Variants in NIN observed in about 807,000 individuals in gnomAD.
NIN encodes glycogen synthase kinase 3 beta-interacting protein.
A neutral mutation model predicts 257.6 loss-of-function variants in NIN; 137 were observed. The observed-to-expected ratio is 0.53, with a 90% confidence interval of 0.46 to 0.61. The LOEUF is 0.61. Ranked by LOEUF, NIN falls within the 20% of genes least tolerant of loss-of-function variation. The pLI is 0.00. For synonymous variants in NIN, 918 were observed against 919.8 expected (o/e 1.00, Z 0.04); for missense variants, 2,439 against 2,501.2 (o/e 0.98, Z 0.53).
chr14:50,721,191 A>G lies in NIN; in HGVS notation c.*2272T>C, dbSNP rs896314076. On this transcript the variant is annotated 3_prime_UTR_variant, in exon 31 of 31. Transcript: ENST00000530997. The stretch of plus-strand genomic sequence containing the variant: ...TTTTTCCCAATCTCATAAGTGGGAT[A>G]AAATGAGAAATTAAGCACCTAGATG... 16 of 202,186 alleles carry G rather than the reference A, an allele frequency of 7.9e-5. No homozygotes were observed. In the South Asian group the frequency reaches 1.5e-3, roughly 19 times the overall value. 12.5% of individuals were successfully genotyped at this position (202,186 alleles called of 1,614,324 possible).
intron 29 of NIN, among the ~76,000 whole-genome samples, chr14:50,728,848 G>T (rs1010980330): frequency 6.6e-6 from 1 of 152,138 alleles, no homozygotes; most frequent in Non-Finnish European, 1.5e-5. Context: ...ACAATGAAAA[G>T]ATTTTTATTT....
chr14:50,771,569 G>T, intron 9 of NIN, 101 bp from the exon 10 acceptor site: 1 of 1,264,556 alleles, frequency 7.9e-7, no homozygotes, highest in Non-Finnish European at 1.1e-6. Context: ...AGCTGACAAT[G>T]ATCTAGCAAT....
intron 16 of NIN, 62 bp from the exon 17 acceptor site, chr14:50,760,421 G>A (rs2042228778): frequency 1.4e-6 from 1 of 704,060 alleles, no homozygotes; most frequent in East Asian, 3.2e-5. Flanking sequence ...AAAGTGAAGT[G>A]ATGGAGCAGC....
At position 50,765,843 on chromosome 14, in the gene NIN, G is replaced by GTTTTTT. The variant is rs34321797; in HGVS notation, c.1635+458_1635+463dup. On this transcript the variant is annotated intron_variant, in intron 14 of 30. Coordinates refer to ENST00000530997, the MANE Select transcript of NIN (RefSeq NM_020921.4). ...AATAATGTTAATAGCTAACATTTAT[G>GTTTTTT]TTTTTTTTTTTTAATTTTATTATAC... is the stretch of plus-strand genomic sequence containing the variant. Among the ~76,000 whole-genome samples, 4 of 147,002 alleles carry GTTTTTT rather than the reference G, an allele frequency of 2.7e-5. No individual in the cohort carries two copies. In the East Asian group the frequency reaches 7.9e-4, roughly 29 times the overall value.
intron 16 of NIN, 75 bp from the exon 17 acceptor site, chr14:50,760,434 TTGC>T (rs2042229761): frequency 2.4e-5 from 21 of 893,086 alleles, no homozygotes; most frequent in Admixed American, 1.2e-4. Flanking sequence ...GGAGCAGCAA[TTGC>T]TTTTTTTTTT....
At chr14:50,774,553 G>C (rs577359652) in intron 7 of NIN, among the ~76,000 whole-genome samples, 3 of 152,226 alleles carry the variant, frequency 2.0e-5, no homozygotes, top group Admixed American at 6.5e-5. Context: ...AGGTTGCCAA[G>C]ATCCCTTAAC....
chr14:50,735,239 CAG>C (rs1029377437), intron 28 of NIN, among the ~76,000 whole-genome samples: 48 of 152,286 alleles, frequency 3.2e-4, no homozygotes, highest in African/African-American at 1.2e-3. Flanking sequence ...CTTGGCTAAT[CAG>C]AGAGTCCCTG....
rs763888716 is a variant in NIN, at chr14:50,758,318, A to T, written c.2712T>A (p.His904Gln). 1.2e-6 allele frequency: 2 copies of T among 1,614,140 alleles called. No individual in the cohort carries two copies. Among genetic ancestry groups the T allele is most frequent in the Non-Finnish European group, 1.7e-6 (2 of 1,180,012 alleles). ...REMLEKTYKE[H>Q]LNSMVVERQQ... ...GTCTCTCGACGACCATGCTGTTCAAATGTTCTTTGTATGTTTTCTCCAGCA... is the reference window on the plus strand; with the variant it reads ...GTCTCTCGACGACCATGCTGTTCAATTGTTCTTTGTATGTTTTCTCCAGCA... Residue 904 changes from histidine to glutamine, a missense_variant, in exon 18 of 31, where the codon CAT (histidine) becomes CAA (glutamine). Physicochemically the swap from His to Gln is conservative, Grantham distance 24. This residue lies in a region of NIN where 2,043 missense variants were observed against 2,050.2 expected (regional missense o/e 1.00). Transcript: ENST00000530997.
At chr14:50,765,844 T>G (rs1010265365) in intron 14 of NIN, among the ~76,000 whole-genome samples, 3 of 8,656 alleles carry the variant, frequency 3.5e-4, no homozygotes, top group African/African-American at 5.6e-4. Context: ...AACATTTATG[T>G]TTTTTTTTTT....
intron 2 of NIN, among the ~76,000 whole-genome samples, chr14:50,830,210 T>G (rs1168416283): frequency 6.6e-6 from 1 of 152,162 alleles, no homozygotes; most frequent in African/African-American, 2.4e-5. Context: ...AAGCCTGCTC[T>G]CGGTCAAAGC....
chr14:50,743,142 T>TA (rs997814249), intron 24 of NIN, among the ~76,000 whole-genome samples: 1 of 151,522 alleles, frequency 6.6e-6, no homozygotes, highest in African/African-American at 2.4e-5. Context: ...TTTTTTTTTT[T>TA]AATTTTTAGT....
chr14:50,748,169 G>A (rs546877153), intron 21 of NIN, 64 bp from the exon 22 acceptor site: 2 of 1,003,496 alleles, frequency 2.0e-6, no homozygotes, highest in Non-Finnish European at 3.1e-6. Flanking sequence ...AACTTACCAG[G>A]TTCATAAAAG....
intron 2 of NIN, among the ~76,000 whole-genome samples, chr14:50,830,242 G>C (rs537500623): frequency 2.0e-4 from 31 of 152,344 alleles, no homozygotes; most frequent in African/African-American, 7.2e-4. Context: ...TTTCAGCTCC[G>C]GGCAGGCGGC....
At chr14:50,826,157 C>G (rs191741363) in intron 2 of NIN, among the ~76,000 whole-genome samples, 1 of 152,328 alleles carries the variant, frequency 6.6e-6, no homozygotes, top group Non-Finnish European at 1.5e-5. Flanking sequence ...AGGCAGGAGT[C>G]TTACTCAGAG....
rs1223387564 is a variant in NIN, at chr14:50,799,249, A to C, written c.266-6368T>G. 2.0e-5 allele frequency among the ~76,000 whole-genome samples: 3 copies of C among 152,192 alleles called. No individual in the cohort carries two copies. In the East Asian group the frequency reaches 5.8e-4, roughly 29 times the overall value. On this transcript the variant is annotated intron_variant, in intron 4 of 30. Coordinates refer to ENST00000530997, the MANE Select transcript of NIN (RefSeq NM_020921.4). ...ATGAAGACTTAGTTTCCTCATCTGGAAGGAGGGAAAACAATAGGCGCTTCA... is the reference window on the plus strand; with the variant it reads ...ATGAAGACTTAGTTTCCTCATCTGGCAGGAGGGAAAACAATAGGCGCTTCA...
chr14:50,782,520 T>C (rs34148215), intron 5 of NIN, among the ~76,000 whole-genome samples: 74,279 of 152,108 alleles, frequency 0.49, 20,787 homozygotes, highest in East Asian at 0.84. Flanking sequence ...CTATCTATCC[T>C]ATGATTACCA....
At chr14:50,732,617 C>T (rs1051445585) in intron 28 of NIN, among the ~76,000 whole-genome samples, 1 of 152,136 alleles carries the variant, frequency 6.6e-6, no homozygotes, top group African/African-American at 2.4e-5. Context: ...ATATATTTAT[C>T]ACAGGTTAAA....
At chr14:50,810,730 G>A (rs1175341959) in intron 3 of NIN, among the ~76,000 whole-genome samples, 3 of 150,578 alleles carry the variant, frequency 2.0e-5, no homozygotes, top group South Asian at 2.1e-4. Flanking sequence ...GGCGTGTCTC[G>A]GCTCACCGCA....
At position 50,798,724 on chromosome 14, in the gene NIN, T is replaced by G. The variant is rs1345821566; in HGVS notation, c.266-5843A>C. 2.0e-5 allele frequency among the ~76,000 whole-genome samples: 3 copies of G among 152,224 alleles called. No homozygotes were observed. The East Asian group carries it at 5.8e-4, about 29-fold the overall frequency. The stretch of plus-strand genomic sequence containing the variant: ...CTTTCAAGTAATTTCTTGGCACCAC[T>G]TTCATGGAACCGTTTCTCCTCTACA... On this transcript the variant is annotated intron_variant, in intron 4 of 30. Coordinates refer to ENST00000530997, the MANE Select transcript of NIN (RefSeq NM_020921.4).
Sources: allele counts gnomAD v4.1 joint callset (sites outside exome capture counted in the v4.1 genomes callset), GRCh38; gene constraint gnomAD v4.1.1; regional missense constraint gnomAD v4.1.1; transcripts MANE v1.5; gene names NCBI Gene and HGNC (gene_info 2026-07-23, HGNC 2026-07-21).